Variants in TENT4B observed in about 807,000 individuals in gnomAD.
The protein encoded by TENT4B is PAP associated domain containing 5.
In TENT4B, 10 loss-of-function variants were observed where a neutral mutation model predicts 75.0. The observed-to-expected ratio is 0.13, with a 90% CI of 0.08 to 0.23. The LOEUF (loss-of-function observed/expected upper bound fraction) is 0.23. Among genes scored for constraint, TENT4B ranks in the 10% least tolerant of loss-of-function variants. TENT4B has a pLI of 1.00. For synonymous variants in TENT4B, 350 were observed against 357.7 expected, an observed-to-expected ratio of 0.98 and a Z score of 0.24; for missense variants, 579 against 893.8, an observed-to-expected ratio of 0.65 and a Z score of 4.49.
chr16:50,193,750 A>G (rs2030016013), intron 1 of TENT4B, among the ~76,000 whole-genome samples: 1 of 152,090 alleles, frequency 6.6e-6, no homozygotes, highest in Admixed American at 6.6e-5. Context: ...AGGAGGAGTA[A>G]AGGATTCCTG....
intron 1 of TENT4B, among the ~76,000 whole-genome samples, chr16:50,185,865 G>A (rs544675029): frequency 7.2e-5 from 11 of 151,972 alleles, no homozygotes; most frequent in African/African-American, 2.2e-4. Flanking sequence ...CTTTCCATCC[G>A]TACTTTTATG....
At chr16:50,163,404 C>G (rs1191109759) in intron 1 of TENT4B, among the ~76,000 whole-genome samples, 1 of 150,900 alleles carries the variant, frequency 6.6e-6, no homozygotes, top group Non-Finnish European at 1.5e-5. Flanking sequence ...ATATCACTAC[C>G]AGGATATAAT....
intron 1 of TENT4B, among the ~76,000 whole-genome samples, chr16:50,170,628 C>A (rs910658693): frequency 6.6e-6 from 1 of 151,604 alleles, no homozygotes; most frequent in Non-Finnish European, 1.5e-5. Context: ...CTGGGGAAGT[C>A]AGTAGACAAA....
chr16:50,224,734 C>A lies in TENT4B; in HGVS notation c.1459C>A (p.His487Asn). The A allele has an allele frequency of 6.2e-7, 1 of 1,613,982 alleles. No individual in the cohort carries two copies. The highest frequency in any genetic ancestry group is 8.5e-7 in the Non-Finnish European group (1 of 1,179,884). Residue 487 changes from histidine to asparagine, a missense_variant, in exon 8 of 12, where the codon CAT (histidine) becomes AAT (asparagine). His to Asn is a moderately conservative substitution (Grantham distance 68). Around this residue, in one of 7 missense-constraint regions of TENT4B, gnomAD observed 71 missense variants for 210.6 expected, o/e 0.34. Coordinates refer to ENST00000561678, the MANE Select transcript of TENT4B (RefSeq NM_001365324.3). ...AFDYAYVVLS[H>N]AVSPIAKYYP... ...TGATTATGCCTACGTTGTTTTGAGT[C>A]ATGCTGTATCACCAATAGCAAAGTA...
intron 1 of TENT4B, among the ~76,000 whole-genome samples, chr16:50,167,533 T>C (rs1221675325): frequency 6.6e-6 from 1 of 152,174 alleles, no homozygotes; most frequent in Non-Finnish European, 1.5e-5. Flanking sequence ...TTTTTTTCTT[T>C]GGTTGCTTGT....
At chr16:50,198,533 A>T (rs537333832) in intron 1 of TENT4B, among the ~76,000 whole-genome samples, 2 of 152,286 alleles carry the variant, frequency 1.3e-5, no homozygotes, top group South Asian at 4.1e-4. Flanking sequence ...TGAAGAAAAT[A>T]TAAAAATCTT....
chr16:50,232,735 A>T lies in TENT4B; in HGVS notation c.*3407A>T, dbSNP rs543375072. ...GGTTGATCTGTTAGAAATCACCATT[A>T]TTAGGTATTAGTGGTAGATGTTGCT... On this transcript the variant is annotated 3_prime_UTR_variant, in exon 12 of 12. Transcript: ENST00000561678. 1 of 985,360 alleles carries T rather than the reference A, an allele frequency of 1.0e-6. No homozygotes were observed. Among genetic ancestry groups the T allele is most frequent in the Non-Finnish European group, 1.2e-6 (1 of 829,910 alleles). 61.0% of individuals were successfully genotyped at this position (985,360 alleles called of 1,614,324 possible).
chr16:50,222,306 A>C lies in TENT4B; in HGVS notation c.1039A>C (p.Lys347Gln). The change falls in exon 6 of 12, where the codon AAA becomes CAA. Residue 347 changes from lysine (K) to glutamine (Q), a missense_variant and splice_region_variant. By Grantham distance (53) the Lys-to-Gln change is moderately conservative (BLOSUM62 1). Transcript: ENST00000561678. ...TTGAAAATACAATTTTCTTTTTCAG[A>C]AATATCCTGTATTGCCATACTTGGT... ...AADLIKDFTK[K>Q]YPVLPYLVLV... 1.3e-6 allele frequency: 2 copies of C among 1,585,860 alleles called. No homozygotes were observed. The highest frequency in any genetic ancestry group is 1.7e-6 in the Non-Finnish European group (2 of 1,164,288).
At chr16:50,208,026 C>T (rs1334078750) in intron 1 of TENT4B, among the ~76,000 whole-genome samples, 2 of 152,204 alleles carry the variant, frequency 1.3e-5, no homozygotes, top group African/African-American at 4.8e-5. Context: ...GTATTTCACA[C>T]GTAGCTAGTT....
Position 50,234,165 on chromosome 16 carries a change from T to C in TENT4B, c.*4837T>C. 1 of 985,470 alleles carries C rather than the reference T, an allele frequency of 1.0e-6. No individual in the cohort carries two copies. Among genetic ancestry groups the C allele is most frequent in the Non-Finnish European group, 1.2e-6 (1 of 829,976 alleles). The allele number at this position is 985,470 out of a possible 1,614,324, so 61.0% of individuals were successfully genotyped here. A position where few individuals can be genotyped will look rare whatever the true frequency, so the allele number is the denominator to read the frequency against. On this transcript the variant is annotated 3_prime_UTR_variant, in exon 12 of 12. Transcript: ENST00000561678. ...AGTGAGAAACTATGAAGTAAACAAG[T>C]TGCTCAGGCCGGGCATGGTGGCTCA...
rs1423667464 is a variant in TENT4B at position 50,223,023 on chromosome 16, GT to G, written c.1168-150del. On this transcript the variant is annotated intron_variant, in intron 6 of 11. Transcript: ENST00000561678. ...GACTTTAGTGTTGTGTGTAACAACA[GT>G]ATAACCTGCTGTTAGCCCATTATCA... The G allele has an allele frequency of 4.4e-5, 27 of 617,134 alleles. No individual in the cohort carries two copies. In the East Asian group the frequency reaches 7.5e-4, roughly 17 times the overall value. 38.2% of individuals were successfully genotyped at this position (617,134 alleles called of 1,614,324 possible).
rs1270051653 is a variant in TENT4B, at chr16:50,217,680, T to A, written c.1038+17T>A. On this transcript the variant is annotated intron_variant, in intron 5 of 11. Transcript: ENST00000561678. Reference sequence around the variant, plus strand: ...TTTACCAAGGTCAGAGAATTTAGCGTTTATACAACAAAACTATTAGAAACG... The same window carrying A: ...TTTACCAAGGTCAGAGAATTTAGCGATTATACAACAAAACTATTAGAAACG... The A allele has an allele frequency of 7.3e-7, 1 of 1,371,766 alleles. No individual in the cohort carries two copies. Among genetic ancestry groups the A allele is most frequent in the African/African-American group, 1.5e-5 (1 of 67,704 alleles). The allele number at this position is 1,371,766 out of a possible 1,614,324, so 85.0% of individuals were successfully genotyped here. A position where few individuals can be genotyped will look rare whatever the true frequency, so the allele number is the denominator to read the frequency against.
chr16:50,161,015 T>C (rs1347998067), intron 1 of TENT4B, among the ~76,000 whole-genome samples: 1 of 152,190 alleles, frequency 6.6e-6, no homozygotes, highest in South Asian at 2.1e-4. Flanking sequence ...TGCTGTTTCC[T>C]ACAGAGCTGA....
chr16:50,183,347 T>C (rs763739721), intron 1 of TENT4B, among the ~76,000 whole-genome samples: 11 of 151,724 alleles, frequency 7.3e-5, no homozygotes, highest in Non-Finnish European at 1.2e-4. Flanking sequence ...CCTGGCTGCT[T>C]TCTTGTATTT....
At chr16:50,159,017 T>C (rs980664387) in intron 1 of TENT4B, among the ~76,000 whole-genome samples, 4 of 152,132 alleles carry the variant, frequency 2.6e-5, no homozygotes, top group Non-Finnish European at 5.9e-5. Flanking sequence ...GGGGGATGTA[T>C]AGGTGGACCT....
chr16:50,169,387 GTTTTTTTTTTT>G (rs552275205), intron 1 of TENT4B, among the ~76,000 whole-genome samples: 14 of 65,782 alleles, frequency 2.1e-4, no homozygotes, highest in African/African-American at 6.6e-4. Context: ...GATTTTGTGG[GTTTTTTTTTTT>G]TTTTTTTTTT....
chr16:50,199,213 GGGC>G (rs1326271567), intron 1 of TENT4B, among the ~76,000 whole-genome samples: 1 of 152,228 alleles, frequency 6.6e-6, no homozygotes, highest in Non-Finnish European at 1.5e-5. Context: ...TGGGGTGCTG[GGGC>G]CATGTGCCCA....
At chr16:50,184,672 GA>G (rs910878119) in intron 1 of TENT4B, among the ~76,000 whole-genome samples, 7 of 141,472 alleles carry the variant, frequency 4.9e-5, no homozygotes, top group East Asian at 2.0e-4. Context: ...ATCTCAAAAA[GA>G]AAAAAAAAAG....
At chr16:50,213,515 A>G (rs2031394622) in intron 2 of TENT4B, among the ~76,000 whole-genome samples, 1 of 152,200 alleles carries the variant, frequency 6.6e-6, no homozygotes, top group African/African-American at 2.4e-5. Context: ...CTTGCCCTAC[A>G]GTTAAAGTAG....
Sources: allele counts gnomAD v4.1 joint callset (sites outside exome capture counted in the v4.1 genomes callset), GRCh38; gene constraint gnomAD v4.1.1; regional missense constraint gnomAD v4.1.1; transcripts MANE v1.5; gene names NCBI Gene and HGNC (gene_info 2026-07-23, HGNC 2026-07-21).